Variants in RAP1GAP observed in about 807,000 individuals in gnomAD.
RAP1GAP encodes the protein rap1 GTPase-activating protein 1.
RAP1GAP carries 35 observed loss-of-function variants against 87.2 expected under a neutral mutation model. That is an observed-to-expected ratio of 0.40 (90% CI 0.31 to 0.53). The LOEUF (loss-of-function observed/expected upper bound fraction) is 0.53, where lower values mean the gene tolerates loss of function less well. RAP1GAP is among the 20% of genes least tolerant of loss of function. The pLI, the probability that RAP1GAP is intolerant of heterozygous loss-of-function variation, is 0.48. For missense variants in RAP1GAP, 734 were observed against 898.9 expected (o/e 0.82, Z 2.35); for synonymous variants, 375 against 363.9 (o/e 1.03, Z -0.35).
intron 21 of RAP1GAP, among the ~76,000 whole-genome samples, chr1:21,598,784 T>G (rs1570379560): frequency 6.6e-6 from 1 of 152,376 alleles, no homozygotes; most frequent in East Asian, 1.9e-4. Flanking sequence ...GCATGGGCCC[T>G]GCCCTCAGGA....
chr1:21,649,341 C>T (rs2151894819), intron 2 of RAP1GAP, among the ~76,000 whole-genome samples: 1 of 152,080 alleles, frequency 6.6e-6, no homozygotes, highest in Middle Eastern at 3.4e-3. Flanking sequence ...AGCGAGGGGC[C>T]ACCCTGAGGT....
intron 1 of RAP1GAP, among the ~76,000 whole-genome samples, chr1:21,655,341 TG>T (rs1312347683): frequency 6.6e-6 from 1 of 152,164 alleles, no homozygotes; most frequent in African/African-American, 2.4e-5. Flanking sequence ...TGGGACAGAC[TG>T]GGGAAGATCT....
intron 5 of RAP1GAP, among the ~76,000 whole-genome samples, chr1:21,618,214 C>T (rs2083620742): frequency 6.6e-6 from 1 of 152,190 alleles, no homozygotes; most frequent in South Asian, 2.1e-4. Context: ...GCTGGACTGC[C>T]TGGAGGGCTT....
Position 21,669,105 on chromosome 1 carries a change from G to T in RAP1GAP, c.-149+149C>A. 2.4e-6 allele frequency: 2 copies of T among 836,070 alleles called. No individual in the cohort carries two copies. The highest frequency in any genetic ancestry group is 3.1e-6 in the Non-Finnish European group (2 of 648,540). 51.8% of individuals were successfully genotyped at this position (836,070 alleles called of 1,614,324 possible). ...GCGAGCCCAGCTGCGCCCACCCCTC[G>T]CCCCTGGAGACCCGGGTCCCCCACG... On this transcript the variant is annotated intron_variant, in intron 1 of 24. Coordinates refer to ENST00000374765, the MANE Select transcript of RAP1GAP (RefSeq NM_002885.4). This position sits in a 1 kb window ranked among gnomAD's most constrained non-coding sequence, Gnocchi z 5.6.
intron 7 of RAP1GAP, 83 bp downstream of exon 7, chr1:21,617,223 T>A (rs1220995474): frequency 6.9e-7 from 1 of 1,459,760 alleles, no homozygotes; most frequent in Non-Finnish European, 9.2e-7. Context: ...GCCCATGGGT[T>A]CTGCTCCCTC....
At chr1:21,627,409 CTTTTTTTT>C (rs755209828) in intron 2 of RAP1GAP, among the ~76,000 whole-genome samples, 1 of 125,238 alleles carries the variant, frequency 8.0e-6, no homozygotes, top group Non-Finnish European at 1.7e-5. Context: ...CTCCCTTCTT[CTTTTTTTT>C]TTTTTTTTTT....
At chr1:21,656,675 G>A (rs1042434753) in intron 1 of RAP1GAP, among the ~76,000 whole-genome samples, 7 of 152,218 alleles carry the variant, frequency 4.6e-5, no homozygotes, top group Non-Finnish European at 1.0e-4. Context: ...GCTGGCCAGT[G>A]AGGTTACTGA....
At chr1:21,665,859 A>T (rs1213562496) in intron 1 of RAP1GAP, among the ~76,000 whole-genome samples, 2 of 152,232 alleles carry the variant, frequency 1.3e-5, no homozygotes, top group Admixed American at 6.5e-5. Context: ...GCAGGAAGTC[A>T]TCAGCCTGGG....
intron 20 of RAP1GAP, among the ~76,000 whole-genome samples, chr1:21,601,424 C>T (rs897093023): frequency 3.9e-5 from 6 of 152,230 alleles, no homozygotes; most frequent in Non-Finnish European, 7.3e-5. Flanking sequence ...TATGAGGCCG[C>T]GTTCTGATGG....
Position 21,626,335 on chromosome 1 carries a change from A to G in RAP1GAP, c.-50T>C. The G allele has an allele frequency of 1.2e-6, 2 of 1,612,324 alleles. No individual in the cohort carries two copies. Among genetic ancestry groups the G allele is most frequent in the South Asian group, 1.1e-5 (1 of 91,042 alleles). ...GTAGAGTGAAGGAGTATAGGAGGGA[A>G]CTAAGTTCACTCGTGACAGGTCTAG... On this transcript the variant is annotated 5_prime_UTR_variant, in exon 3 of 25. Coordinates refer to ENST00000374765, the MANE Select transcript of RAP1GAP (RefSeq NM_002885.4).
chr1:21,611,773 G>C lies in RAP1GAP; in HGVS notation c.656C>G (p.Ala219Gly), dbSNP rs1346676805. 1 of 1,614,104 alleles carries C rather than the reference G, an allele frequency of 6.2e-7. No homozygotes were observed. Among genetic ancestry groups the C allele is most frequent in the East Asian group, 2.2e-5 (1 of 44,882 alleles). Residue 219 changes from alanine to glycine, a missense_variant, in exon 12 of 25, where the codon GCT becomes GGT. Ala to Gly is a moderately conservative substitution (Grantham distance 60). Coordinates refer to ENST00000374765, the MANE Select transcript of RAP1GAP (RefSeq NM_002885.4). ...AAGAAATTCAAGGAACTCCACGAAA[G>C]CGGGACTTTCCTCATTGGTGCTGAA... ...ELFSTNEESPAFVEFLEFLGQ... is the reference protein window; with the variant it reads ...ELFSTNEESPGFVEFLEFLGQ...
chr1:21,616,145 ACACACACACACACACACAC>A (rs2081952337), intron 7 of RAP1GAP, among the ~76,000 whole-genome samples: 1 of 19,158 alleles, frequency 5.2e-5, no homozygotes, highest in Non-Finnish European at 1.0e-4. Context: ...CAACACACAC[ACACACACACACACACACAC>A]ACACACACAC....
At chr1:21,638,031 G>A (rs1181497002) in intron 2 of RAP1GAP, among the ~76,000 whole-genome samples, 5 of 146,536 alleles carry the variant, frequency 3.4e-5, no homozygotes, top group Non-Finnish European at 7.5e-5. Flanking sequence ...CATGCCTGTA[G>A]TCCCAGCTAC....
At chr1:21,644,234 T>C (rs1489420747) in intron 2 of RAP1GAP, among the ~76,000 whole-genome samples, 1 of 152,212 alleles carries the variant, frequency 6.6e-6, no homozygotes, top group African/African-American at 2.4e-5. Context: ...TCCCTCTGTC[T>C]GGACACCCTG....
chr1:21,614,300 C>T (rs567756014), intron 7 of RAP1GAP, among the ~76,000 whole-genome samples: 1 of 152,352 alleles, frequency 6.6e-6, no homozygotes, highest in African/African-American at 2.4e-5. Flanking sequence ...CACTTGGCCG[C>T]TCTGTGCCTC....
At chr1:21,611,919 G>C in intron 11 of RAP1GAP, 103 bp from the exon 12 acceptor site, 4 of 1,485,848 alleles carry the variant, frequency 2.7e-6, no homozygotes, top group Non-Finnish European at 2.8e-6. Flanking sequence ...ACCTCTGGCA[G>C]CCCCTGGGCT....
chr1:21,598,615 T>A (rs2794278), intron 21 of RAP1GAP, 113 bp from the exon 22 acceptor site: 106 of 858,112 alleles, frequency 1.2e-4, no homozygotes, highest in Middle Eastern at 6.6e-4. Flanking sequence ...ACCCGTACCC[T>A]CTGCGAGGAG....
In RAP1GAP at chr1:21,599,499, C is replaced by G; in HGVS notation, c.1771G>C (p.Gly591Arg). The change falls in exon 21 of 25, where the codon GGC becomes CGC. Residue 591 changes from glycine to arginine, a missense_variant. Gly to Arg is a moderately radical substitution (Grantham distance 125, BLOSUM62 -2). Around this residue, in one of 2 missense-constraint regions of RAP1GAP, gnomAD observed 249 missense variants for 252.7 expected, o/e 0.99. Transcript: ENST00000374765. ...GACCCCCCTGAGCCTCTCACCAGGC[C>G]TGTGTCCTCTCCGTCCACACCCTCC... ...ETEGVDGEDTGLESVSSSGTP... is the reference protein window; with the variant it reads ...ETEGVDGEDTRLESVSSSGTP... 1 of 1,608,896 alleles carries G rather than the reference C, an allele frequency of 6.2e-7. No individual in the cohort carries two copies. Among genetic ancestry groups the G allele is most frequent in the Non-Finnish European group, 8.5e-7 (1 of 1,179,882 alleles).
At chr1:21,661,649 A>G (rs1328980844) in intron 1 of RAP1GAP, among the ~76,000 whole-genome samples, 2 of 152,232 alleles carry the variant, frequency 1.3e-5, no homozygotes, top group South Asian at 2.1e-4. Flanking sequence ...TACTTACCGC[A>G]TAGGATTGTT....
Sources: allele counts gnomAD v4.1 joint callset (sites outside exome capture counted in the v4.1 genomes callset), GRCh38; gene constraint gnomAD v4.1.1; regional missense constraint gnomAD v4.1.1; non-coding constraint Gnocchi (gnomAD v3.1); transcripts MANE v1.5; gene names NCBI Gene and HGNC (gene_info 2026-07-23, HGNC 2026-07-21).